CENPP: variants seen among roughly 807,000 people sequenced by gnomAD.
CENPP encodes the protein centromere protein P.
In CENPP, 24 loss-of-function variants were observed where a neutral mutation model predicts 35.6. The observed-to-expected ratio is 0.67, with a 90% CI of 0.49 to 0.95. The LOEUF (loss-of-function observed/expected upper bound fraction) is 0.95, where lower values mean the gene tolerates loss of function less well. Among genes scored for constraint, CENPP ranks in the 40% least tolerant of loss-of-function variants. The probability of loss-of-function intolerance (pLI) is 0.00; values close to 1 mark genes in which losing one functional copy is unlikely to be tolerated. For missense variants in CENPP, 332 were observed against 345.3 expected (o/e 0.96, Z 0.31); for synonymous variants, 120 against 125.5 (o/e 0.96, Z 0.29).
At chr9:92,356,627 T>G (rs1372082833) in intron 4 of CENPP, among the ~76,000 whole-genome samples, 2 of 152,232 alleles carry the variant, frequency 1.3e-5, no homozygotes, top group Admixed American at 6.5e-5. Flanking sequence ...ATTTGGGAAC[T>G]GATAAATGTC....
chr9:92,385,892 C>G, intron 5 of CENPP: 1 of 1,034,928 alleles, frequency 9.7e-7, no homozygotes, highest in Non-Finnish European at 1.5e-6. Context: ...TGAGTGCCCC[C>G]TCACTTCAAA....
At chr9:92,345,114 A>G (rs186483820) in intron 3 of CENPP, among the ~76,000 whole-genome samples, 4,701 of 152,038 alleles carry the variant, frequency 0.031, 113 homozygotes, top group South Asian at 0.079. Context: ...TTAGCCAGGC[A>G]TGGTGGCGGG....
chr9:92,496,206 T>G, intron 5 of CENPP: 1 of 1,445,234 alleles, frequency 6.9e-7, no homozygotes, highest in Non-Finnish European at 9.0e-7. Context: ...TTGACTAGCA[T>G]ATAATGATAC....
intron 4 of CENPP, among the ~76,000 whole-genome samples, chr9:92,357,461 CATTATT>C (rs36222751): frequency 0.14 from 20,083 of 143,260 alleles, 1,580 homozygotes; most frequent in South Asian, 0.18. Flanking sequence ...TCATCTCCCT[CATTATT>C]ATTATTATTA....
chr9:92,432,047 G>A (rs1034882695), intron 5 of CENPP, among the ~76,000 whole-genome samples: 10 of 152,036 alleles, frequency 6.6e-5, no homozygotes, highest in East Asian at 1.9e-4. Flanking sequence ...AATTTTGGCC[G>A]GGCTCAGTGG....
At chr9:92,475,878 A>C (rs889896982) in intron 5 of CENPP, among the ~76,000 whole-genome samples, 2 of 152,094 alleles carry the variant, frequency 1.3e-5, no homozygotes, top group Non-Finnish European at 2.9e-5. Context: ...TTTCAGTTGC[A>C]TTTTTAAAAT....
In CENPP at chr9:92,572,458, G is replaced by A. The variant is rs140142156; in HGVS notation, c.565-38856G>A. Among the ~76,000 whole-genome samples, 717 of 152,266 alleles carry A rather than the reference G, an allele frequency of 4.7e-3. 7 individuals carry two copies. The highest frequency in any genetic ancestry group is 5.4e-3 in the Admixed American group (82 of 15,288). On this transcript the variant is annotated intron_variant, in intron 5 of 7. Transcript: ENST00000375587. Reference sequence around the variant, plus strand: ...TTGTAGAGTTTCTGCCGAGAGATCCGCTGTTAGTCTGATGGGCTTCCCTTT... The same window carrying A: ...TTGTAGAGTTTCTGCCGAGAGATCCACTGTTAGTCTGATGGGCTTCCCTTT...
At chr9:92,569,810 G>A (rs571072559) in intron 5 of CENPP, among the ~76,000 whole-genome samples, 238 of 152,208 alleles carry the variant, frequency 1.6e-3, no homozygotes, top group African/African-American at 5.2e-3. Context: ...CTTGTAAGTT[G>A]GATTCCTAGG....
intron 4 of CENPP, among the ~76,000 whole-genome samples, chr9:92,376,271 G>T (rs1224574409): frequency 1.3e-5 from 2 of 152,132 alleles, no homozygotes; most frequent in African/African-American, 4.8e-5. Context: ...TCTGTTGTTT[G>T]TCTCAACTGT....
At position 92,509,780 on chromosome 9, in the gene CENPP, T is replaced by G. The variant is rs570048350; in HGVS notation, c.565-101534T>G. The G allele has an allele frequency of 5.6e-5, 62 of 1,114,956 alleles. No homozygotes were observed. In the South Asian group the frequency reaches 1.1e-3, roughly 19 times the overall value. 69.1% of individuals were successfully genotyped at this position (1,114,956 alleles called of 1,614,324 possible). A position where few individuals can be genotyped will look rare whatever the true frequency, so the allele number is the denominator to read the frequency against. On this transcript the variant is annotated intron_variant, in intron 5 of 7. Coordinates refer to ENST00000375587, the MANE Select transcript of CENPP (RefSeq NM_001012267.3). Reference sequence around the variant, plus strand: ...AAGAAGTTTTATCAACTCAAATGGTTAAGTGACCTAAAAATATTTACTATT... The same window carrying G: ...AAGAAGTTTTATCAACTCAAATGGTGAAGTGACCTAAAAATATTTACTATT...
intron 5 of CENPP, among the ~76,000 whole-genome samples, chr9:92,399,993 TC>T (rs2130923568): frequency 6.6e-6 from 1 of 152,314 alleles, no homozygotes; most frequent in East Asian, 1.9e-4. Context: ...TACATGTTGT[TC>T]CATATGAATT....
At chr9:92,573,991 A>G (rs1035143616) in intron 5 of CENPP, among the ~76,000 whole-genome samples, 1 of 152,068 alleles carries the variant, frequency 6.6e-6, no homozygotes, top group African/African-American at 2.4e-5. Flanking sequence ...TCCAGGTACC[A>G]TCTGTCACAG....
intron 5 of CENPP, among the ~76,000 whole-genome samples, chr9:92,555,108 TTCTC>T (rs1216995642): frequency 2.0e-5 from 3 of 152,024 alleles, no homozygotes; most frequent in African/African-American, 7.3e-5. Flanking sequence ...GGTTCCTTCT[TTCTC>T]TATCTTACAG....
At chr9:92,389,984 G>A in intron 5 of CENPP, 1 of 1,610,300 alleles carries the variant, frequency 6.2e-7, no homozygotes, top group Non-Finnish European at 8.5e-7. Context: ...TTCTAACAGA[G>A]AAAGTTTTGA....
intron 5 of CENPP, among the ~76,000 whole-genome samples, chr9:92,567,373 GATATATATATAT>G: frequency 7.7e-6 from 1 of 129,090 alleles, no homozygotes; most frequent in Admixed American, 8.0e-5. Flanking sequence ...ACATAAGATA[GATATATATATAT>G]ATATATATAT....
intron 5 of CENPP, among the ~76,000 whole-genome samples, chr9:92,518,221 T>C (rs1276914557): frequency 6.6e-6 from 1 of 152,234 alleles, no homozygotes; most frequent in Non-Finnish European, 1.5e-5. Flanking sequence ...TTGTGTCTAA[T>C]GTGGGGACAC....
At chr9:92,502,140 C>T (rs1168619857) in intron 5 of CENPP, among the ~76,000 whole-genome samples, 1 of 152,192 alleles carries the variant, frequency 6.6e-6, no homozygotes, top group Non-Finnish European at 1.5e-5. Context: ...AACCTCCTGA[C>T]AACCTGTGAG....
At chr9:92,363,139 A>C (rs1287248269) in intron 4 of CENPP, among the ~76,000 whole-genome samples, 1 of 152,034 alleles carries the variant, frequency 6.6e-6, no homozygotes, top group African/African-American at 2.4e-5. Flanking sequence ...TTAGAGACTG[A>C]GATCTGACAC....
intron 5 of CENPP, among the ~76,000 whole-genome samples, chr9:92,380,908 A>G (rs781033607): frequency 3.3e-5 from 5 of 152,318 alleles, no homozygotes; most frequent in African/African-American, 1.2e-4. Flanking sequence ...CGTGCTTTCC[A>G]GTCAGGTATG....
Sources: allele counts gnomAD v4.1 joint callset (sites outside exome capture counted in the v4.1 genomes callset), GRCh38; gene constraint gnomAD v4.1.1; transcripts MANE v1.5; gene names NCBI Gene and HGNC (gene_info 2026-07-23, HGNC 2026-07-21).